The following SH3GL2 variants were observed in gnomAD, a reference collection of about 807,000 sequenced individuals.
The protein encoded by SH3GL2 is SH3 domain containing GRB2 like 2, endophilin A1, also known as endophilin-A1.
A neutral mutation model predicts 46.0 loss-of-function variants in SH3GL2; 24 were observed. That is an observed-to-expected ratio of 0.52 (90% confidence interval 0.38 to 0.73). The LOEUF is 0.73. Among genes scored for constraint, SH3GL2 ranks in the 30% least tolerant of loss-of-function variants. The probability of loss-of-function intolerance (pLI) is 0.00; values close to 1 mark genes in which losing one functional copy is unlikely to be tolerated. For synonymous variants in SH3GL2, 196 were observed against 147.1 expected, an observed-to-expected ratio of 1.33 and a Z score of -2.40; for missense variants, 413 against 424.2, an observed-to-expected ratio of 0.97 and a Z score of 0.23.
intron 1 of SH3GL2, chr9:17,735,798 G>A: frequency 1.2e-6 from 1 of 868,008 alleles, no homozygotes; most frequent in Non-Finnish European, 1.4e-6. Context: ...GGAAAGAAGG[G>A]CTTAAGTTAG....
At chr9:17,666,109 T>G (rs1820335291) in intron 1 of SH3GL2, among the ~76,000 whole-genome samples, 1 of 151,924 alleles carries the variant, frequency 6.6e-6, no homozygotes, top group Non-Finnish European at 1.5e-5. Flanking sequence ...AGTAACCTAA[T>G]GACTAGAGTT....
In SH3GL2 at chr9:17,623,770, G is replaced by C. The variant is rs966466780; in HGVS notation, c.45+44483G>C. Among the ~76,000 whole-genome samples the C allele has an allele frequency of 2.0e-5, 3 of 151,228 alleles. No individual in the cohort carries two copies. The East Asian group carries it at 5.8e-4, about 29-fold the overall frequency. On this transcript the variant is annotated intron_variant, in intron 1 of 8. Transcript: ENST00000380607. The stretch of plus-strand genomic sequence containing the variant: ...CATATATTTTTCTGAACCATTTTGA[G>C]GATATGTTACTATATCATGGTCCTT...
At chr9:17,625,963 G>A (rs1468883856) in intron 1 of SH3GL2, among the ~76,000 whole-genome samples, 2 of 152,330 alleles carry the variant, frequency 1.3e-5, no homozygotes, top group East Asian at 1.9e-4. Flanking sequence ...ACTGACTGTG[G>A]TTGATGAAGC....
intron 3 of SH3GL2, among the ~76,000 whole-genome samples, chr9:17,762,197 C>G (rs757308520): frequency 7.9e-5 from 12 of 152,066 alleles, no homozygotes; most frequent in Non-Finnish European, 1.8e-4. Context: ...AGTTTCTAAC[C>G]ACAGGGCACG....
intron 1 of SH3GL2, among the ~76,000 whole-genome samples, chr9:17,746,311 C>T (rs1320170824): frequency 2.6e-5 from 4 of 152,098 alleles, no homozygotes; most frequent in South Asian, 4.1e-4. Flanking sequence ...CTCCTGACCT[C>T]GTGATCCACC....
intron 7 of SH3GL2, among the ~76,000 whole-genome samples, chr9:17,793,142 T>C (rs1005450127): frequency 6.6e-6 from 1 of 152,040 alleles, no homozygotes; most frequent in African/African-American, 2.4e-5. Context: ...AAGTGAGGGA[T>C]TGAGAGAGAG....
rs73424508 is a variant in SH3GL2, at chr9:17,766,870, G to A, written c.187+5361G>A. ...ACCTCCTTGGTTTTATGTTTTATCA[G>A]TGGGTTTTTCTTTTCAATAGAGAAA... On this transcript the variant is annotated intron_variant, in intron 3 of 8. Transcript: ENST00000380607. Among the ~76,000 whole-genome samples, 735 of 152,194 alleles carry A rather than the reference G, an allele frequency of 4.8e-3. 5 individuals are homozygous for A. Among genetic ancestry groups the A allele is most frequent in the African/African-American group, 0.017 (691 of 41,536 alleles).
At chr9:17,743,600 A>ACCCC (rs1554645787) in intron 1 of SH3GL2, among the ~76,000 whole-genome samples, 4 of 146,162 alleles carry the variant, frequency 2.7e-5, no homozygotes, top group African/African-American at 1.0e-4. Context: ...ACACACACAC[A>ACCCC]CCCCAAATAG....
chr9:17,720,698 G>A (rs548814212), intron 1 of SH3GL2, among the ~76,000 whole-genome samples: 10 of 152,186 alleles, frequency 6.6e-5, no homozygotes, highest in African/African-American at 2.4e-4. Flanking sequence ...TTAACAAGGT[G>A]AAATAAGATA....
At chr9:17,728,890 G>A in intron 1 of SH3GL2, among the ~76,000 whole-genome samples, 1 of 152,084 alleles carries the variant, frequency 6.6e-6, no homozygotes, top group East Asian at 1.9e-4. Context: ...GGGCATTTGG[G>A]TTGGTTCCAA....
intron 1 of SH3GL2, among the ~76,000 whole-genome samples, chr9:17,727,549 C>T (rs1367989660): frequency 6.6e-6 from 1 of 152,192 alleles, no homozygotes; most frequent in Non-Finnish European, 1.5e-5. Flanking sequence ...TGAAGGCCAC[C>T]TCTGACTTTC....
intron 1 of SH3GL2, among the ~76,000 whole-genome samples, chr9:17,711,729 GGTT>G (rs2118276300): frequency 6.6e-6 from 1 of 151,908 alleles, no homozygotes; most frequent in African/African-American, 2.4e-5. Context: ...ATGGATGTTG[GGTT>G]GTTTTCAGCT....
chr9:17,642,963 A>G (rs544809015), intron 1 of SH3GL2, among the ~76,000 whole-genome samples: 5 of 152,332 alleles, frequency 3.3e-5, no homozygotes, highest in African/African-American at 9.6e-5. Context: ...CATTGAATCT[A>G]TAAATTACTT....
chr9:17,665,824 A>C (rs147448842), intron 1 of SH3GL2, among the ~76,000 whole-genome samples: 1 of 150,540 alleles, frequency 6.6e-6, no homozygotes, highest in East Asian at 2.0e-4. Flanking sequence ...TTGGAGATCA[A>C]AGTGAGGGGA....
At chr9:17,788,598 C>G (rs73645333) in intron 5 of SH3GL2, among the ~76,000 whole-genome samples, 3,967 of 152,172 alleles carry the variant, frequency 0.026, 179 homozygotes, top group African/African-American at 0.092. Flanking sequence ...AACTACTTTG[C>G]TACCTGGTCA....
rs1014566441 is a variant in SH3GL2 at position 17,795,102 on chromosome 9, A to G, written c.860-442A>G. Among the ~76,000 whole-genome samples, 11 of 152,330 alleles carry G rather than the reference A, an allele frequency of 7.2e-5. No individual in the cohort carries two copies. The East Asian group carries it at 9.6e-4, about 13-fold the overall frequency. On this transcript the variant is annotated intron_variant, in intron 8 of 8. Coordinates refer to ENST00000380607, the MANE Select transcript of SH3GL2 (RefSeq NM_003026.5). Reference sequence around the variant, plus strand: ...AAAAGCATTCTCCATGTAATTCACCATACTTTTTCAGATATGCAAAGGTTT... The same window carrying G: ...AAAAGCATTCTCCATGTAATTCACCGTACTTTTTCAGATATGCAAAGGTTT...
intron 2 of SH3GL2, among the ~76,000 whole-genome samples, chr9:17,754,116 G>T (rs937179419): frequency 6.6e-6 from 1 of 152,160 alleles, no homozygotes; most frequent in Non-Finnish European, 1.5e-5. Flanking sequence ...ATAGCATGAT[G>T]ACTCCAGCTT....
At chr9:17,667,534 A>C (rs1191039026) in intron 1 of SH3GL2, among the ~76,000 whole-genome samples, 1 of 152,208 alleles carries the variant, frequency 6.6e-6, no homozygotes, top group Non-Finnish European at 1.5e-5. Context: ...GCAGAATAAT[A>C]TTATATGGAT....
At chr9:17,736,853 A>C (rs1362420591) in intron 1 of SH3GL2, among the ~76,000 whole-genome samples, 1 of 152,092 alleles carries the variant, frequency 6.6e-6, no homozygotes, top group Non-Finnish European at 1.5e-5. Flanking sequence ...ATATTTCTAT[A>C]GGCAGAAAGT....
Sources: gnomAD v4.1 joint callset for allele counts (sites outside exome capture counted in the v4.1 genomes callset) on GRCh38, gnomAD v4.1.1 for gene constraint, MANE v1.5 for transcripts, NCBI Gene and HGNC (gene_info 2026-07-23, HGNC 2026-07-21) for gene names.